The following TECPR1 variants were observed in gnomAD, a reference collection of about 807,000 sequenced individuals.
The protein encoded by TECPR1 is tectonin beta-propeller repeat containing 1.
TECPR1 carries 122 observed loss-of-function variants against 162.4 expected under a neutral mutation model. The ratio of observed to expected loss-of-function variants is 0.75; its 90% confidence interval spans 0.65 to 0.87. TECPR1 has a LOEUF of 0.87. TECPR1 is among the 40% of genes least tolerant of loss of function. TECPR1 has a pLI of 0.00. For synonymous variants in TECPR1, 642 were observed against 670.6 expected (o/e 0.96, Z 0.66); for missense variants, 1,432 against 1,618.2 (o/e 0.88, Z 1.97).
intron 22 of TECPR1, among the ~76,000 whole-genome samples, 157 bp from the exon 23 acceptor site, chr7:98,221,910 A>C (rs1798152278): frequency 2.0e-5 from 3 of 152,124 alleles, no homozygotes; most frequent in South Asian, 4.1e-4. Context: ...TCCACCCAGC[A>C]CTGTGCCTGG....
chr7:98,251,355 GAAAAGACACAGTAC>G (rs1799058570), intron 2 of TECPR1, 25 bp downstream of exon 2: 1 of 152,170 alleles, frequency 6.6e-6, no homozygotes, highest in South Asian at 2.1e-4. Context: ...TGTGGTAGAG[GAAAAGACACAGTAC>G]AAAGAACGCT....
intron 11 of TECPR1, 132 bp from the exon 12 acceptor site, chr7:98,233,104 A>C (rs1031181499): frequency 1.7e-6 from 2 of 1,144,174 alleles, no homozygotes; most frequent in South Asian, 1.8e-5. Flanking sequence ...GCCTCCTTCC[A>C]CCCTTTGCCC....
rs149063315 is a variant in TECPR1 at position 98,226,736 on chromosome 7, C to T, written c.2513+1278G>A. On this transcript the variant is annotated intron_variant, in intron 17 of 25. Transcript: ENST00000447648. ...GCTTCGGGAGTTCAGGAGTTGGAGA[C>T]CAGCCTCACCAACATGGTGAAATCC... 3.2e-6 allele frequency: 3 copies of T among 931,000 alleles called. No homozygotes were observed. The East Asian group carries it at 2.0e-4, about 63-fold the overall frequency. The allele number at this position is 931,000 out of a possible 1,614,324, so 57.7% of individuals were successfully genotyped here.
chr7:98,217,548 G>T, intron 25 of TECPR1, 45 bp from the exon 26 acceptor site: 1 of 996,632 alleles, frequency 1.0e-6, no homozygotes, highest in Non-Finnish European at 1.4e-6. Context: ...GGGACTCGAG[G>T]ATCCTGGAGG....
At chr7:98,243,242 G>T (rs898288240) in intron 6 of TECPR1, among the ~76,000 whole-genome samples, 2 of 151,918 alleles carry the variant, frequency 1.3e-5, no homozygotes, top group Non-Finnish European at 2.9e-5. Context: ...GGAGGCACCA[G>T]CAGGGAGCTC....
At chr7:98,226,612 T>C in intron 17 of TECPR1, 2 of 1,046,760 alleles carry the variant, frequency 1.9e-6, no homozygotes, top group Non-Finnish European at 2.3e-6. Context: ...TTACTAAGTG[T>C]TTATTTCGTC....
At chr7:98,233,332 G>A (rs892120746) in intron 11 of TECPR1, 89 bp downstream of exon 11, 15 of 1,369,192 alleles carry the variant, frequency 1.1e-5, no homozygotes, top group Admixed American at 1.0e-4. Flanking sequence ...AGGCCTGCCC[G>A]AGCCCCCTGA....
In TECPR1 at chr7:98,223,844, G is replaced by A. The variant is rs561299389; in HGVS notation, c.2691-126C>T. On this transcript the variant is annotated intron_variant, in intron 19 of 25. Coordinates refer to ENST00000447648, the MANE Select transcript of TECPR1 (RefSeq NM_015395.3). ...GGACTGGGTGGAAGCCATGGATGGG[G>A]TTCAGAGAAGGAGGTGTCACCACGC... 3.9e-6 allele frequency: 4 copies of A among 1,027,926 alleles called. No individual in the cohort carries two copies. In the Admixed American group the frequency reaches 8.3e-5, roughly 21 times the overall value. 63.7% of individuals were successfully genotyped at this position (1,027,926 alleles called of 1,614,324 possible).
At chr7:98,235,191 G>C (rs1163546925) in intron 10 of TECPR1, among the ~76,000 whole-genome samples, 1 of 152,202 alleles carries the variant, frequency 6.6e-6, no homozygotes, top group African/African-American at 2.4e-5. Context: ...TGTAGTTTTT[G>C]AAGCTTCTCA....
chr7:98,224,389 C>T (rs1798223465), intron 19 of TECPR1, among the ~76,000 whole-genome samples: 1 of 152,214 alleles, frequency 6.6e-6, no homozygotes, highest in African/African-American at 2.4e-5. Flanking sequence ...TCCCTCAACA[C>T]TAAGGGCCTG....
At chr7:98,238,405 G>T in intron 9 of TECPR1, 104 bp downstream of exon 9, 1 of 914,554 alleles carries the variant, frequency 1.1e-6, no homozygotes, top group African/African-American at 1.6e-5. Flanking sequence ...AATGGAGTGG[G>T]GGGCTCTCCT....
chr7:98,236,063 A>G (rs1475010428), intron 10 of TECPR1, among the ~76,000 whole-genome samples: 2 of 152,070 alleles, frequency 1.3e-5, no homozygotes, highest in Non-Finnish European at 2.9e-5. Flanking sequence ...ATCTCCATCC[A>G]TGCCCATGAT....
Position 98,232,239 on chromosome 7 carries a change from G to T in TECPR1, c.1819-280C>A, listed in dbSNP as rs961617698. Among the ~76,000 whole-genome samples the T allele has an allele frequency of 6.6e-6, 1 of 152,092 alleles. No homozygotes were observed. Among genetic ancestry groups the T allele is most frequent in the Non-Finnish European group, 1.5e-5 (1 of 68,018 alleles). ...GCCTTCTGCATGGGGAGACAGGCTC[G>T]GGAGGGTTCCGTGCCTGGCTTTGGT... On this transcript the variant is annotated intron_variant, in intron 12 of 25. Transcript: ENST00000447648. The surrounding 1 kb of genome is among the most constrained non-coding windows in gnomAD (Gnocchi z 4.6).
chr7:98,238,998 G>GA (rs1798675919), intron 8 of TECPR1, among the ~76,000 whole-genome samples: 1 of 152,164 alleles, frequency 6.6e-6, no homozygotes, highest in South Asian at 2.1e-4. Context: ...CTCATTATTA[G>GA]AAAAAACAAG....
intron 16 of TECPR1, 86 bp from the exon 17 acceptor site, chr7:98,228,202 A>G: frequency 9.3e-7 from 1 of 1,072,352 alleles, no homozygotes; most frequent in Non-Finnish European, 1.4e-6. Flanking sequence ...AGATTCCCAG[A>G]GAGACGGGGA....
chr7:98,233,807 A>G lies in TECPR1; in HGVS notation c.1286T>C (p.Leu429Pro), dbSNP rs183686146. ...EVERPGPGQI[L>P]PAEPLDDSKN... ...GGAATCGTCTAGAGGTTCTGCAGGG[A>G]GAATCTGGCCAGGCCCTGGTCTCTC... The change falls in exon 11 of 26, where the codon CTC becomes CCC. Residue 429 changes from leucine to proline, a missense_variant. Leu to Pro is a moderately conservative substitution (Grantham distance 98, BLOSUM62 -3). Transcript: ENST00000447648. 59 of 1,607,930 alleles carry G rather than the reference A, an allele frequency of 3.7e-5. No individual in the cohort carries two copies. The African/African-American group carries it at 5.9e-4, about 16-fold the overall frequency.
At chr7:98,242,170 G>A (rs79325550) in intron 6 of TECPR1, among the ~76,000 whole-genome samples, 2,294 of 152,308 alleles carry the variant, frequency 0.015, 74 homozygotes, top group African/African-American at 0.052. Flanking sequence ...GGGGGGCTGC[G>A]ACAAAACTGG....
intron 15 of TECPR1, among the ~76,000 whole-genome samples, chr7:98,229,656 T>C (rs1053797946): frequency 7.0e-6 from 1 of 142,890 alleles, no homozygotes; most frequent in Non-Finnish European, 1.6e-5. Context: ...CAGCACAGCA[T>C]GGCCTCCTGG....
chr7:98,224,887 G>A lies in TECPR1; in HGVS notation c.2611-7C>T. ...CCACGAACCAGTCGGAAACCTGGGAGGAGTGGGTCAGTGAGGATGGGACCC... is the reference window on the plus strand; with the variant it reads ...CCACGAACCAGTCGGAAACCTGGGAAGAGTGGGTCAGTGAGGATGGGACCC... On this transcript the variant is annotated splice_polypyrimidine_tract_variant and splice_region_variant and intron_variant, in intron 18 of 25. Coordinates refer to ENST00000447648, the MANE Select transcript of TECPR1 (RefSeq NM_015395.3). 3 of 1,558,828 alleles carry A rather than the reference G, an allele frequency of 1.9e-6. No individual in the cohort carries two copies. Among genetic ancestry groups the A allele is most frequent in the Non-Finnish European group, 2.6e-6 (3 of 1,151,700 alleles).
Sources: allele counts gnomAD v4.1 joint callset (sites outside exome capture counted in the v4.1 genomes callset), GRCh38; gene constraint gnomAD v4.1.1; non-coding constraint Gnocchi (gnomAD v3.1); transcripts MANE v1.5; gene names NCBI Gene and HGNC (gene_info 2026-07-23, HGNC 2026-07-21).